The following STARD13 variants were observed in gnomAD, a reference collection of about 807,000 sequenced individuals.
The protein encoded by STARD13 is StAR related lipid transfer domain containing 13, also known as stAR-related lipid transfer protein 13.
In STARD13, 62 loss-of-function variants were observed where a neutral mutation model predicts 106.4. The observed-to-expected ratio is 0.58, with a 90% CI of 0.48 to 0.72. The LOEUF (loss-of-function observed/expected upper bound fraction) is 0.72, where lower values mean the gene tolerates loss of function less well. STARD13 is among the 30% of genes least tolerant of loss of function. The probability of loss-of-function intolerance (pLI) is 0.00; values close to 1 mark genes in which losing one functional copy is unlikely to be tolerated. For synonymous variants in STARD13, 565 were observed against 553.0 expected (o/e 1.02, Z -0.31); for missense variants, 1,387 against 1,424.0 (o/e 0.97, Z 0.42).
the STARD13 span, among the ~76,000 whole-genome samples, chr13:33,469,742 T>C: frequency 6.6e-6 from 1 of 152,204 alleles, no homozygotes; most frequent in South Asian, 2.1e-4. Flanking sequence ...TATTTAAGAT[T>C]AGTCTAATCT....
chr13:33,539,035 C>G, the STARD13 span, among the ~76,000 whole-genome samples: 1 of 152,122 alleles, frequency 6.6e-6, no homozygotes, highest in Non-Finnish European at 1.5e-5. Context: ...TCCCAAAGTG[C>G]TGGGATTATA....
chr13:33,324,025 A>G (rs1893654229), intron 1 of STARD13, among the ~76,000 whole-genome samples: 1 of 152,246 alleles, frequency 6.6e-6, no homozygotes, highest in South Asian at 2.1e-4. Flanking sequence ...AACAGCTGAA[A>G]TAATTCTCTG....
the STARD13 span, among the ~76,000 whole-genome samples, chr13:33,628,184 CACACACA>C: frequency 2.0e-4 from 29 of 146,852 alleles, no homozygotes; most frequent in East Asian, 9.7e-4. Context: ...CACACACACA[CACACACA>C]CCACATGCAT....
the STARD13 span, among the ~76,000 whole-genome samples, chr13:33,469,925 T>C: frequency 1.3e-5 from 2 of 152,148 alleles, no homozygotes; most frequent in African/African-American, 4.8e-5. Context: ...TTTTTTATTA[T>C]ACTTTAAGTT....
At chr13:33,528,990 A>G in the STARD13 span, among the ~76,000 whole-genome samples, 33,019 of 151,886 alleles carry the variant, frequency 0.22, 5,717 homozygotes, top group African/African-American at 0.48. Flanking sequence ...GATACTAATT[A>G]TATTTATTCA....
the STARD13 span, among the ~76,000 whole-genome samples, chr13:33,528,274 ACT>A: frequency 7.7e-6 from 1 of 130,258 alleles, no homozygotes; most frequent in Non-Finnish European, 1.6e-5. Flanking sequence ...ATATATATAT[ACT>A]CTTTTTTTTT....
At chr13:33,127,291 A>G in intron 6 of STARD13, 82 bp downstream of exon 6, 1 of 1,430,574 alleles carries the variant, frequency 7.0e-7, no homozygotes, top group East Asian at 2.6e-5. Flanking sequence ...TTCAGATATC[A>G]CAAAGTAAAC....
intron 7 of STARD13, among the ~76,000 whole-genome samples, chr13:33,121,712 C>CAGGGCTGG (rs1373731640): frequency 7.7e-6 from 1 of 129,822 alleles, no homozygotes; most frequent in East Asian, 2.4e-4. Context: ...CTCTGTCTAT[C>CAGGGCTGG]AGGGCTGGAG....
At chr13:33,214,823 C>T (rs1233780824) in intron 1 of STARD13, among the ~76,000 whole-genome samples, 1 of 151,938 alleles carries the variant, frequency 6.6e-6, no homozygotes, top group African/African-American at 2.4e-5. Context: ...TGCTTCAAAA[C>T]ACCACAGACA....
chr13:33,538,584 T>G, the STARD13 span, among the ~76,000 whole-genome samples: 2 of 151,756 alleles, frequency 1.3e-5, no homozygotes, highest in African/African-American at 4.8e-5. Context: ...GAAGCAAAAG[T>G]AAATCCTACA....
the STARD13 span, among the ~76,000 whole-genome samples, chr13:33,398,548 G>A: frequency 1.1e-4 from 17 of 151,926 alleles, no homozygotes; most frequent in African/African-American, 3.1e-4. Context: ...AATATTTGCA[G>A]TACATATATC....
the STARD13 span, among the ~76,000 whole-genome samples, chr13:33,520,643 A>G: frequency 6.6e-6 from 1 of 152,012 alleles, no homozygotes; most frequent in African/African-American, 2.4e-5. Flanking sequence ...CCTTCCCCAC[A>G]GCTGCTGTCG....
At chr13:33,510,445 C>A in the STARD13 span, among the ~76,000 whole-genome samples, 1 of 152,128 alleles carries the variant, frequency 6.6e-6, no homozygotes, top group South Asian at 2.1e-4. Flanking sequence ...TCTTTAGGAG[C>A]TTTTTCCCAT....
chr13:33,415,583 G>A, the STARD13 span, among the ~76,000 whole-genome samples: 1 of 151,800 alleles, frequency 6.6e-6, no homozygotes, highest in Non-Finnish European at 1.5e-5. Context: ...TGTTAAACAC[G>A]AGCTTTGAAA....
At chr13:33,363,289 T>C in the STARD13 span, among the ~76,000 whole-genome samples, 1 of 152,178 alleles carries the variant, frequency 6.6e-6, no homozygotes, top group East Asian at 1.9e-4. Context: ...CACACACATG[T>C]ACACACAGAG....
At chr13:33,228,803 C>T (rs1888755878) in intron 1 of STARD13, among the ~76,000 whole-genome samples, 1 of 151,916 alleles carries the variant, frequency 6.6e-6, no homozygotes, top group African/African-American at 2.4e-5. Context: ...ACCAAAAAGG[C>T]CAGAATTAAA....
At chr13:33,503,016 T>G in the STARD13 span, among the ~76,000 whole-genome samples, 1 of 152,180 alleles carries the variant, frequency 6.6e-6, no homozygotes, top group African/African-American at 2.4e-5. Flanking sequence ...TGGTCTTGAC[T>G]TTTTTTGATT....
the STARD13 span, among the ~76,000 whole-genome samples, chr13:33,477,924 G>A: frequency 6.6e-6 from 1 of 152,162 alleles, no homozygotes; most frequent in Non-Finnish European, 1.5e-5. Flanking sequence ...TTCCCAGATT[G>A]TTAAGGAACT....
At chr13:33,518,873 C>T in the STARD13 span, among the ~76,000 whole-genome samples, 1 of 110,492 alleles carries the variant, frequency 9.1e-6, no homozygotes, top group South Asian at 2.7e-4. Flanking sequence ...TCTATTTCTA[C>T]CCCTGGTCAG....
Sources: allele counts gnomAD v4.1 joint callset (sites outside exome capture counted in the v4.1 genomes callset), GRCh38; gene constraint gnomAD v4.1.1; transcripts MANE v1.5; gene names NCBI Gene and HGNC (gene_info 2026-07-23, HGNC 2026-07-21).